The following ZNF732 variants were observed in gnomAD, a reference collection of about 807,000 sequenced individuals.
ZNF732 encodes zinc finger protein 732.
A neutral mutation model predicts 11.5 loss-of-function variants in ZNF732; 12 were observed. The ratio of observed to expected loss-of-function variants is 1.05; its 90% CI spans 0.67 to 1.70. The LOEUF (loss-of-function observed/expected upper bound fraction) is 1.70. Ranked by LOEUF, ZNF732 falls within the 40% of genes most tolerant of loss-of-function variation. The probability of loss-of-function intolerance (pLI) is 0.00; values close to 1 mark genes in which losing one functional copy is unlikely to be tolerated. For synonymous variants in ZNF732, 231 were observed against 236.5 expected (o/e 0.98, Z 0.21); for missense variants, 702 against 676.9 (o/e 1.04, Z -0.41).
intron 1 of ZNF732, among the ~76,000 whole-genome samples, chr4:298,240 T>C (rs1379888003): frequency 2.6e-5 from 4 of 152,206 alleles, no homozygotes; most frequent in African/African-American, 9.6e-5. Flanking sequence ...TCCTGTACAA[T>C]TTCCATCTTT....
chr4:295,139 C>A (rs1553842017), intron 3 of ZNF732, among the ~76,000 whole-genome samples: 1 of 152,098 alleles, frequency 6.6e-6, no homozygotes, highest in African/African-American at 2.4e-5. Context: ...TACACATATT[C>A]CTATGTCTCC....
In ZNF732 at chr4:291,286, G is replaced by C. The variant is rs186020193; in HGVS notation, c.226+4152C>G. Among the ~76,000 whole-genome samples the C allele has an allele frequency of 5.6e-4, 85 of 152,246 alleles. 1 individual carries two copies. Among genetic ancestry groups the C allele is most frequent in the African/African-American group, 1.9e-3 (78 of 41,548 alleles). ...TTTATAAGGCAAGGTCTCACTACAAGGCCCAGGCCCATCTCGAACTCCTGT... is the reference window on the plus strand; with the variant it reads ...TTTATAAGGCAAGGTCTCACTACAACGCCCAGGCCCATCTCGAACTCCTGT... On this transcript the variant is annotated intron_variant, in intron 3 of 3. Transcript: ENST00000419098.
At chr4:302,219 G>A (rs1364948681) in intron 1 of ZNF732, among the ~76,000 whole-genome samples, 1 of 152,086 alleles carries the variant, frequency 6.6e-6, no homozygotes, top group Non-Finnish European at 1.5e-5. Context: ...GGGCACTTGT[G>A]TATAATGTCT....
intron 3 of ZNF732, among the ~76,000 whole-genome samples, chr4:273,062 A>G (rs1390614293): frequency 6.6e-6 from 1 of 152,090 alleles, no homozygotes; most frequent in Non-Finnish European, 1.5e-5. Flanking sequence ...CCAATAACAA[A>G]GAGTGCTGAA....
intron 3 of ZNF732, among the ~76,000 whole-genome samples, chr4:289,298 G>A (rs917145159): frequency 3.9e-5 from 6 of 152,374 alleles, no homozygotes; most frequent in East Asian, 1.9e-4. Flanking sequence ...GTGTGCGCTC[G>A]CGCACATGCT....
At chr4:273,801 T>G (rs1242048774) in intron 3 of ZNF732, among the ~76,000 whole-genome samples, 2 of 151,482 alleles carry the variant, frequency 1.3e-5, no homozygotes, top group Non-Finnish European at 3.0e-5. Flanking sequence ...TCTTAAAAGA[T>G]TACCAGTGAA....
At chr4:304,022 C>G (rs1350733723) in intron 1 of ZNF732, among the ~76,000 whole-genome samples, 1 of 152,064 alleles carries the variant, frequency 6.6e-6, no homozygotes, top group African/African-American at 2.4e-5. Flanking sequence ...GGTCCAGAAG[C>G]CTGGGTGGGG....
At chr4:275,967 T>C (rs1719486680) in intron 3 of ZNF732, among the ~76,000 whole-genome samples, 1 of 151,756 alleles carries the variant, frequency 6.6e-6, no homozygotes. Context: ...AAAAATATAG[T>C]GCATAAAATT....
At chr4:297,192 C>T (rs981525553) in intron 1 of ZNF732, among the ~76,000 whole-genome samples, 3 of 151,520 alleles carry the variant, frequency 2.0e-5, no homozygotes, top group East Asian at 1.9e-4. Context: ...CACTTGAATC[C>T]GGGAGCTGGA....
At position 271,430 on chromosome 4, in the gene ZNF732, C is replaced by T. The variant is rs782422402; in HGVS notation, c.1427G>A (p.Cys476Tyr). The T allele has an allele frequency of 1.2e-6, 2 of 1,603,472 alleles. No homozygotes were observed. The highest frequency in any genetic ancestry group is 3.4e-5 in the Admixed American group (2 of 58,154). Reference protein sequence around the residue: ...KIHTGEKPYRCEECGKAFLCS... With the variant: ...KIHTGEKPYRYEECGKAFLCS... ...TAAAAAGGCTTTGCCACACTCTTCACATCTATAAGGTTTCTCTCCAGTATG... is the reference window on the plus strand; with the variant it reads ...TAAAAAGGCTTTGCCACACTCTTCATATCTATAAGGTTTCTCTCCAGTATG... Residue 476 changes from cysteine to tyrosine, a missense_variant, in exon 4 of 4, where the codon TGT (cysteine) becomes TAT (tyrosine). Physicochemically the swap from Cys to Tyr is radical, Grantham distance 194 (BLOSUM62 -2). This residue lies in a region of ZNF732 where 596 missense variants were observed against 557.9 expected (regional missense o/e 1.07). Transcript: ENST00000419098.
intron 3 of ZNF732, among the ~76,000 whole-genome samples, chr4:289,139 A>C (rs993767382): frequency 6.6e-6 from 1 of 152,240 alleles, no homozygotes; most frequent in Non-Finnish European, 1.5e-5. Flanking sequence ...TGTGTGGAAG[A>C]AGCTGCTTTT....
chr4:281,955 G>A (rs115932953), intron 3 of ZNF732, among the ~76,000 whole-genome samples: 320 of 152,186 alleles, frequency 2.1e-3, no homozygotes, highest in Non-Finnish European at 3.2e-3. Context: ...TAAATTTTTT[G>A]CAACAATGCA....
intron 3 of ZNF732, among the ~76,000 whole-genome samples, chr4:276,106 TACAC>T (rs1294282188): frequency 6.6e-6 from 1 of 151,630 alleles, no homozygotes; most frequent in African/African-American, 2.4e-5. Context: ...ACAAAAGTGT[TACAC>T]ACACACAAAT....
intron 3 of ZNF732, among the ~76,000 whole-genome samples, chr4:287,118 T>C (rs768949852): frequency 2.0e-5 from 3 of 151,810 alleles, no homozygotes; most frequent in Non-Finnish European, 4.4e-5. Context: ...GCCACTGCAC[T>C]CCAGCCTGGG....
At chr4:288,217 A>C (rs6820547) in intron 3 of ZNF732, among the ~76,000 whole-genome samples, 9,322 of 152,086 alleles carry the variant, frequency 0.061, 490 homozygotes, top group African/African-American at 0.14. Context: ...GGGACTCTTA[A>C]TGTTTGTTAA....
intron 3 of ZNF732, among the ~76,000 whole-genome samples, chr4:276,102 G>GT (rs1719489642): frequency 6.6e-6 from 1 of 151,614 alleles, no homozygotes; most frequent in African/African-American, 2.4e-5. Context: ...AATCACAAAA[G>GT]TGTTACACAC....
chr4:304,960 T>C (rs782800064), intron 1 of ZNF732, among the ~76,000 whole-genome samples: 6 of 152,310 alleles, frequency 3.9e-5, no homozygotes, highest in South Asian at 2.1e-4. Flanking sequence ...GCCTCGATCT[T>C]ATTCCGAACA....
chr4:299,439 A>ATATATATATACATATGTG (rs1560165210), intron 1 of ZNF732, among the ~76,000 whole-genome samples: 2 of 45,820 alleles, frequency 4.4e-5, no homozygotes, highest in Non-Finnish European at 8.3e-5. Context: ...ATATGTGTAT[A>ATATATATATACATATGTG]TATATATATA....
chr4:283,997 G>A (rs890858265), intron 3 of ZNF732, among the ~76,000 whole-genome samples: 16 of 151,830 alleles, frequency 1.1e-4, no homozygotes, highest in African/African-American at 3.1e-4. Flanking sequence ...TGCAAGTTCC[G>A]CCTCCAGGGT....
Sources: gnomAD v4.1 joint callset for allele counts (sites outside exome capture counted in the v4.1 genomes callset) on GRCh38, gnomAD v4.1.1 for gene constraint, gnomAD v4.1.1 regional missense constraint, MANE v1.5 for transcripts, NCBI Gene and HGNC (gene_info 2026-07-23, HGNC 2026-07-21) for gene names.